Variants in RBM33 observed in about 807,000 individuals in gnomAD.
RBM33 encodes the protein RNA-binding protein 33.
A neutral mutation model predicts 132.6 loss-of-function variants in RBM33; 28 were observed. The observed-to-expected ratio is 0.21, with a 90% CI of 0.16 to 0.29. The LOEUF (loss-of-function observed/expected upper bound fraction) is 0.29, where lower values mean the gene tolerates loss of function less well. Ranked by LOEUF, RBM33 falls within the 10% of genes least tolerant of loss-of-function variation. The probability of loss-of-function intolerance (pLI) is 1.00; values close to 1 mark genes in which losing one functional copy is unlikely to be tolerated. For synonymous variants in RBM33, 634 were observed against 593.0 expected, an observed-to-expected ratio of 1.07 and a Z score of -1.01; for missense variants, 1,291 against 1,518.5, an observed-to-expected ratio of 0.85 and a Z score of 2.49.
rs566975764 is a variant in RBM33 at position 155,680,339 on chromosome 7, G to C, written c.249-251G>C. Among the ~76,000 whole-genome samples the C allele has an allele frequency of 5.3e-5, 8 of 152,232 alleles. No individual in the cohort carries two copies. In the South Asian group the frequency reaches 1.2e-3, roughly 24 times the overall value. ...ACCTGCAGCTGGTGATAAGTAGAGGGGCTATATGCATTGCCAGTCTGTGGC... is the reference window on the plus strand; with the variant it reads ...ACCTGCAGCTGGTGATAAGTAGAGGCGCTATATGCATTGCCAGTCTGTGGC... On this transcript the variant is annotated intron_variant, in intron 4 of 17. Coordinates refer to ENST00000401878, the MANE Select transcript of RBM33 (RefSeq NM_053043.3).
chr7:155,700,669 A>G, intron 5 of RBM33, 104 bp from the exon 6 acceptor site: 1 of 842,750 alleles, frequency 1.2e-6, no homozygotes, highest in Non-Finnish European at 1.7e-6. Flanking sequence ...AGTATTTTTT[A>G]CATCTGAAAT....
At chr7:155,754,367 G>C (rs1801779899) in intron 14 of RBM33, among the ~76,000 whole-genome samples, 1 of 152,156 alleles carries the variant, frequency 6.6e-6, no homozygotes, top group Non-Finnish European at 1.5e-5. Flanking sequence ...TGCAGAACTT[G>C]CTCAGTGCTA....
At chr7:155,732,493 G>A (rs1800983931) in intron 9 of RBM33, among the ~76,000 whole-genome samples, 5 of 152,168 alleles carry the variant, frequency 3.3e-5, no homozygotes, top group Non-Finnish European at 7.3e-5. Context: ...GCCCTGAAGT[G>A]TGCTGACTAT....
chr7:155,695,610 C>A (rs1434895592), intron 5 of RBM33, among the ~76,000 whole-genome samples: 1 of 152,084 alleles, frequency 6.6e-6, no homozygotes, highest in Non-Finnish European at 1.5e-5. Flanking sequence ...CAGGCACGTA[C>A]CACCACACCT....
rs144380459 is a variant in RBM33, at chr7:155,741,881, G to A, written c.2112G>A (p.Arg704=). The part of the protein sequence containing the change: ...PMQQMQPTAP[R]NSNLRELPIA... The stretch of plus-strand genomic sequence containing the variant: ...AGCAAATGCAGCCCACTGCGCCAAG[G>A]AACAGCAATTTGCGTGAATTACCCA... Residue 704 remains arginine (R), a synonymous_variant, in exon 13 of 18, where the codon AGG becomes AGA. Coordinates refer to ENST00000401878, the MANE Select transcript of RBM33 (RefSeq NM_053043.3). 3.1e-6 allele frequency: 5 copies of A among 1,614,014 alleles called. No homozygotes were observed. In the African/African-American group the frequency reaches 5.3e-5, roughly 17 times the overall value.
intron 3 of RBM33, among the ~76,000 whole-genome samples, chr7:155,675,071 C>T (rs1221495649): frequency 1.3e-5 from 2 of 152,114 alleles, no homozygotes; most frequent in Non-Finnish European, 2.9e-5. Flanking sequence ...CTTTGGGAAG[C>T]TGAGGCAGGT....
intron 13 of RBM33, among the ~76,000 whole-genome samples, chr7:155,744,040 G>A (rs78046920): frequency 0.037 from 5,680 of 152,296 alleles, 348 homozygotes; most frequent in African/African-American, 0.13. Context: ...TAATCCCTGA[G>A]TGAGGGCTGG....
intron 9 of RBM33, among the ~76,000 whole-genome samples, chr7:155,721,780 T>C (rs11763562): frequency 4.9e-4 from 75 of 152,350 alleles, no homozygotes; most frequent in Non-Finnish European, 7.9e-4. Flanking sequence ...AATCCAAATC[T>C]GAGGCCAAAA....
chr7:155,647,652 G>A (rs1186419933), intron 1 of RBM33, among the ~76,000 whole-genome samples: 2 of 152,108 alleles, frequency 1.3e-5, no homozygotes, highest in Admixed American at 1.3e-4. Flanking sequence ...GCAGGAACTC[G>A]GGCTCAAGTG....
chr7:155,691,343 A>G lies in RBM33; in HGVS notation c.568-9430A>G, dbSNP rs147830831. Among the ~76,000 whole-genome samples the G allele has an allele frequency of 1.4e-3, 212 of 151,890 alleles. 5 individuals are homozygous for G. The East Asian group carries it at 0.037, about 27-fold the overall frequency. On this transcript the variant is annotated intron_variant, in intron 5 of 17. Coordinates refer to ENST00000401878, the MANE Select transcript of RBM33 (RefSeq NM_053043.3). ...TCAGGTCATTTAAGGACTTCTCTAC[A>G]CTGGTTATTCTAGTTAGCCATTCGT...
At chr7:155,710,729 C>T (rs917357032) in intron 7 of RBM33, among the ~76,000 whole-genome samples, 1 of 152,030 alleles carries the variant, frequency 6.6e-6, no homozygotes, top group Non-Finnish European at 1.5e-5. Flanking sequence ...CTCTTTGTGG[C>T]CCTGTCCTGT....
rs1164176230 is a variant in RBM33 at position 155,673,404 on chromosome 7, G to T, written c.171+489G>T. On this transcript the variant is annotated intron_variant, in intron 3 of 17. Coordinates refer to ENST00000401878, the MANE Select transcript of RBM33 (RefSeq NM_053043.3). ...ATTTGTATATCTATTTATATATATT[G>T]TGTGTGTGTGTGTGTGTGTGTGTGT... Among the ~76,000 whole-genome samples the T allele has an allele frequency of 9.0e-3, 16 of 1,786 alleles. 1 individual carries two copies. Among genetic ancestry groups the T allele is most frequent in the Admixed American group, 0.024 (6 of 254 alleles). The allele number at this position is 1,786 out of a possible 152,430, so 1.2% of individuals were successfully genotyped here.
intron 9 of RBM33, among the ~76,000 whole-genome samples, chr7:155,725,643 A>T (rs950231143): frequency 6.6e-6 from 1 of 152,152 alleles, no homozygotes; most frequent in African/African-American, 2.4e-5. Flanking sequence ...GGCAGGGGTG[A>T]GGGTGCAGAA....
rs1802707121 is a variant in RBM33, at chr7:155,778,719, A to C, written c.*3678A>C. On this transcript the variant is annotated 3_prime_UTR_variant, in exon 18 of 18. Transcript: ENST00000401878. The surrounding 1 kb of genome is among the most constrained non-coding windows in gnomAD (Gnocchi z 4.0). Reference sequence around the variant, plus strand: ...GTCCTGGGATGGGTTTGAAGAACTCATCACTCATCACTTGTTTTCTTTTGG... The same window carrying C: ...GTCCTGGGATGGGTTTGAAGAACTCCTCACTCATCACTTGTTTTCTTTTGG... 2 of 152,276 alleles carry C rather than the reference A, an allele frequency of 1.3e-5. No individual in the cohort carries two copies. The highest frequency in any genetic ancestry group is 6.5e-5 in the Admixed American group (1 of 15,286). 9.4% of individuals were successfully genotyped at this position (152,276 alleles called of 1,614,324 possible). A position where few individuals can be genotyped will look rare whatever the true frequency, so the allele number is the denominator to read the frequency against.
intron 5 of RBM33, among the ~76,000 whole-genome samples, chr7:155,686,433 C>T (rs1289062924): frequency 5.9e-5 from 9 of 151,764 alleles, no homozygotes; most frequent in African/African-American, 1.2e-4. Flanking sequence ...CCAAGGAATT[C>T]GGTGCCTGTT....
chr7:155,731,228 A>G (rs4501473), intron 9 of RBM33, among the ~76,000 whole-genome samples: 42,390 of 152,092 alleles, frequency 0.28, 6,956 homozygotes, highest in African/African-American at 0.45. Flanking sequence ...GATGGAAGGT[A>G]GGAAAGAAGG....
intron 14 of RBM33, among the ~76,000 whole-genome samples, chr7:155,757,043 A>C (rs1801874697): frequency 6.6e-6 from 1 of 152,194 alleles, no homozygotes; most frequent in South Asian, 2.1e-4. Context: ...GCTGAAGTGT[A>C]CCTTGAAATA....
rs763240549 is a variant in RBM33, at chr7:155,711,228, C to T, written c.974C>T (p.Pro325Leu). The change falls in exon 8 of 18, where the codon CCG (proline) becomes CTG (leucine). Residue 325 changes from proline to leucine, a missense_variant. Pro to Leu is a moderately conservative substitution (Grantham distance 98). Transcript: ENST00000401878. ...CCCCAGGCTCCCCCTCCACCGCCAC[C>T]GCCGCCTCAGCAGCAGCCGATCAGA... ...VVPQAPPPPPPPPQQQPIRSL... is the reference protein window; with the variant it reads ...VVPQAPPPPPLPPQQQPIRSL... 29 of 1,586,954 alleles carry T rather than the reference C, an allele frequency of 1.8e-5. No individual in the cohort carries two copies. The highest frequency in any genetic ancestry group is 1.0e-4 in the South Asian group (9 of 88,186).
At chr7:155,744,813 A>G (rs1188061937) in intron 13 of RBM33, 148 bp from the exon 14 acceptor site, 5 of 749,174 alleles carry the variant, frequency 6.7e-6, no homozygotes, top group Non-Finnish European at 6.1e-6. Context: ...AAGGAGTTAT[A>G]CTTAAAGTCT....
Sources: allele counts gnomAD v4.1 joint callset (sites outside exome capture counted in the v4.1 genomes callset), GRCh38; gene constraint gnomAD v4.1.1; non-coding constraint Gnocchi (gnomAD v3.1); transcripts MANE v1.5; gene names NCBI Gene and HGNC (gene_info 2026-07-23, HGNC 2026-07-21).